MLIP: variants seen among roughly 807,000 people sequenced by gnomAD.
MLIP encodes muscular LMNA interacting protein, also known as muscular LMNA-interacting protein.
Under a neutral mutation model 84.8 loss-of-function variants are expected in MLIP, and 79 were observed. The observed-to-expected ratio is 0.93, with a 90% confidence interval of 0.78 to 1.12. The LOEUF (loss-of-function observed/expected upper bound fraction) is 1.12. Ranked by LOEUF, MLIP falls within the 50% of genes most tolerant of loss-of-function variation. The pLI, the probability that MLIP is intolerant of heterozygous loss-of-function variation, is 0.00. For synonymous variants in MLIP, 504 were observed against 463.0 expected, an observed-to-expected ratio of 1.09 and a Z score of -1.14; for missense variants, 1,257 against 1,160.6, an observed-to-expected ratio of 1.08 and a Z score of -1.21.
intron 1 of MLIP, among the ~76,000 whole-genome samples, chr6:54,116,135 T>C (rs1291612278): frequency 2.6e-5 from 4 of 152,066 alleles, no homozygotes; most frequent in African/African-American, 9.7e-5. Context: ...TTAAAAGGCG[T>C]GCTCATAAGG....
At chr6:54,255,672 A>G (rs1399528079) in intron 12 of MLIP, among the ~76,000 whole-genome samples, 1 of 152,206 alleles carries the variant, frequency 6.6e-6, no homozygotes, top group Non-Finnish European at 1.5e-5. Context: ...ATGGATTAAA[A>G]TTACTGAATA....
intron 1 of MLIP, among the ~76,000 whole-genome samples, chr6:54,038,445 TTA>T (rs1351307208): frequency 1.1e-4 from 17 of 151,862 alleles, no homozygotes; most frequent in Non-Finnish European, 2.5e-4. Context: ...ATAGAATAAT[TTA>T]TGTTTATTCA....
chr6:54,259,620 A>G (rs1365570567), intron 13 of MLIP, among the ~76,000 whole-genome samples: 1 of 151,906 alleles, frequency 6.6e-6, no homozygotes, highest in Non-Finnish European at 1.5e-5. Context: ...TAAAATTAAG[A>G]TAGTGGATAA....
chr6:54,155,077 A>G (rs966434069), intron 5 of MLIP, among the ~76,000 whole-genome samples: 1 of 152,128 alleles, frequency 6.6e-6, no homozygotes, highest in Non-Finnish European at 1.5e-5. Context: ...AAAATCACCA[A>G]CTAGAGTTCT....
chr6:54,078,154 T>A (rs1766917127), intron 1 of MLIP, among the ~76,000 whole-genome samples: 1 of 152,234 alleles, frequency 6.6e-6, no homozygotes. Flanking sequence ...TCGATTAGGT[T>A]AACAGTGTTT....
chr6:54,184,248 C>T (rs748435347), intron 9 of MLIP, among the ~76,000 whole-genome samples: 14 of 152,148 alleles, frequency 9.2e-5, no homozygotes, highest in Non-Finnish European at 1.8e-4. Context: ...AAAGAAGCAT[C>T]TTAACGGTAT....
intron 10 of MLIP, among the ~76,000 whole-genome samples, chr6:54,199,833 G>C (rs772800790): frequency 6.6e-6 from 1 of 152,052 alleles, no homozygotes; most frequent in Non-Finnish European, 1.5e-5. Flanking sequence ...AAGAAAAAGG[G>C]AACATATACA....
At chr6:54,143,110 C>T (rs187138229) in intron 4 of MLIP, among the ~76,000 whole-genome samples, 1 of 152,254 alleles carries the variant, frequency 6.6e-6, no homozygotes, top group African/African-American at 2.4e-5. Context: ...GTGCTTCTCT[C>T]CAGCTAGCCT....
intron 8 of MLIP, among the ~76,000 whole-genome samples, chr6:54,164,111 A>G (rs1454435400): frequency 6.6e-6 from 1 of 151,868 alleles, no homozygotes. Flanking sequence ...GATATTTTTT[A>G]TGGTGTATTT....
At chr6:54,103,498 G>A (rs769743451) in intron 1 of MLIP, among the ~76,000 whole-genome samples, 7 of 152,192 alleles carry the variant, frequency 4.6e-5, no homozygotes, top group Non-Finnish European at 1.0e-4. Context: ...CAGCTAGTAA[G>A]TGCAGAGGGT....
rs554876157 is a variant in MLIP at position 54,264,769 on chromosome 6, A to T, written c.2977-1181A>T. Among the ~76,000 whole-genome samples, 7 of 152,188 alleles carry T rather than the reference A, an allele frequency of 4.6e-5. 1 individual carries two copies. The highest frequency in any genetic ancestry group is 4.6e-4 in the Admixed American group (7 of 15,264). The stretch of plus-strand genomic sequence containing the variant: ...TTTCCTCCCTTCATTCTAGGGCTTC[A>T]GAGAATTCCAGATGATGAAAGCTAC... On this transcript the variant is annotated intron_variant, in intron 13 of 13. Transcript: ENST00000502396.
At chr6:54,164,332 T>C (rs1364431358) in intron 8 of MLIP, among the ~76,000 whole-genome samples, 2 of 152,004 alleles carry the variant, frequency 1.3e-5, no homozygotes, top group Admixed American at 1.3e-4. Context: ...TTCTATTTAT[T>C]ATTTTCTGAT....
chr6:54,082,374 A>G (rs1452416983), intron 1 of MLIP, among the ~76,000 whole-genome samples: 2 of 152,216 alleles, frequency 1.3e-5, no homozygotes, highest in African/African-American at 4.8e-5. Flanking sequence ...CCGAACATGT[A>G]TAAAACCATC....
rs561527389 is a variant in MLIP at position 54,244,939 on chromosome 6, T to C, written c.2923-12369T>C. Among the ~76,000 whole-genome samples the C allele has an allele frequency of 2.7e-3, 415 of 152,298 alleles. 6 individuals are homozygous for C. Among genetic ancestry groups the C allele is most frequent in the African/African-American group, 9.1e-3 (379 of 41,566 alleles). Reference sequence around the variant, plus strand: ...AATTTGGTAATTGGAAAGAGATGTATGGCTGCAGGTAGGCAGGATAACAGT... The same window carrying C: ...AATTTGGTAATTGGAAAGAGATGTACGGCTGCAGGTAGGCAGGATAACAGT... On this transcript the variant is annotated intron_variant, in intron 12 of 13. Transcript: ENST00000502396.
In MLIP at chr6:54,101,405, C is replaced by T. The variant is rs1561930770; in HGVS notation, c.64-20042C>T. 5.3e-5 allele frequency among the ~76,000 whole-genome samples: 7 copies of T among 131,144 alleles called. No homozygotes were observed. In the South Asian group the frequency reaches 1.4e-3, roughly 26 times the overall value. The allele number at this position is 131,144 out of a possible 152,430, so 86.0% of individuals were successfully genotyped here. A position where few individuals can be genotyped will look rare whatever the true frequency, so the allele number is the denominator to read the frequency against. ...ATGTGCCAGGCCATACACTAGGGCT[C>T]TTATATGTCACTTAATTTAATTTTT... On this transcript the variant is annotated intron_variant, in intron 1 of 12. Coordinates refer to the MLIP transcript ENST00000274897.
chr6:54,099,258 G>A (rs1057007587), intron 1 of MLIP, among the ~76,000 whole-genome samples: 12 of 151,824 alleles, frequency 7.9e-5, no homozygotes, highest in Non-Finnish European at 1.0e-4. Flanking sequence ...CATTTTTACC[G>A]GTAACCTTAC....
chr6:54,210,086 T>C (rs1779323782), intron 11 of MLIP, among the ~76,000 whole-genome samples: 1 of 152,282 alleles, frequency 6.6e-6, no homozygotes, highest in South Asian at 2.1e-4. Flanking sequence ...TTAGCTTCAA[T>C]AATTGTGACT....
intron 1 of MLIP, among the ~76,000 whole-genome samples, chr6:54,031,233 T>A (rs1432559766): frequency 6.6e-6 from 1 of 151,702 alleles, no homozygotes; most frequent in African/African-American, 2.4e-5. Flanking sequence ...TGTAAAAAAA[T>A]TGTACTGTAA....
At chr6:54,117,111 C>T (rs1769989870) in intron 1 of MLIP, among the ~76,000 whole-genome samples, 1 of 151,906 alleles carries the variant, frequency 6.6e-6, no homozygotes, top group Non-Finnish European at 1.5e-5. Flanking sequence ...TGATAAAGGC[C>T]CTATATGGCA....
Sources: gnomAD v4.1 joint callset for allele counts (sites outside exome capture counted in the v4.1 genomes callset) on GRCh38, gnomAD v4.1.1 for gene constraint, MANE v1.5 for transcripts, NCBI Gene and HGNC (gene_info 2026-07-23, HGNC 2026-07-21) for gene names.